Variants in EXOC4 observed in about 807,000 individuals in gnomAD.
The protein encoded by EXOC4 is SEC8-like 1.
Under a neutral mutation model 107.2 loss-of-function variants are expected in EXOC4, and 71 were observed. That is an observed-to-expected ratio of 0.66 (90% confidence interval 0.55 to 0.81). The LOEUF (loss-of-function observed/expected upper bound fraction) is 0.81. Among genes scored for constraint, EXOC4 ranks in the 30% least tolerant of loss-of-function variants. EXOC4 has a pLI of 0.00. For synonymous variants in EXOC4, 456 were observed against 441.2 expected (o/e 1.03, Z -0.42); for missense variants, 1,108 against 1,189.6 (o/e 0.93, Z 1.01).
chr7:134,056,023 AG>A (rs1795913062), intron 17 of EXOC4, among the ~76,000 whole-genome samples: 1 of 152,226 alleles, frequency 6.6e-6, no homozygotes, highest in Non-Finnish European at 1.5e-5. Flanking sequence ...AAAAAGCCGT[AG>A]GGCCTCTCAG....
chr7:133,453,936 A>G (rs1798406451), intron 7 of EXOC4, among the ~76,000 whole-genome samples: 1 of 152,180 alleles, frequency 6.6e-6, no homozygotes, highest in South Asian at 2.1e-4. Context: ...TATACATAAT[A>G]CAAGAGATAA....
chr7:133,326,736 G>A (rs1269588394), intron 5 of EXOC4, among the ~76,000 whole-genome samples: 1 of 152,334 alleles, frequency 6.6e-6, no homozygotes. Context: ...CTTCAAAGCT[G>A]TCAGACAGGG....
chr7:134,056,880 G>A (rs917392751), intron 17 of EXOC4, among the ~76,000 whole-genome samples: 16 of 152,154 alleles, frequency 1.1e-4, no homozygotes, highest in African/African-American at 3.6e-4. Flanking sequence ...CAACGGTGAT[G>A]GGAATGTCCT....
chr7:133,314,009 ATAAC>A (rs1365305584), intron 4 of EXOC4, among the ~76,000 whole-genome samples: 2 of 152,178 alleles, frequency 1.3e-5, no homozygotes, highest in Non-Finnish European at 2.9e-5. Flanking sequence ...AAAATGAAAA[ATAAC>A]TGTCAGTATT....
intron 14 of EXOC4, among the ~76,000 whole-genome samples, chr7:133,979,168 A>G (rs1387283536): frequency 6.6e-6 from 1 of 152,216 alleles, no homozygotes; most frequent in Non-Finnish European, 1.5e-5. Context: ...AAAATAATTT[A>G]TAATCCAATT....
intron 9 of EXOC4, among the ~76,000 whole-genome samples, chr7:133,540,271 A>G (rs1800353598): frequency 6.6e-6 from 1 of 152,226 alleles, no homozygotes; most frequent in Non-Finnish European, 1.5e-5. Flanking sequence ...CATACCATCT[A>G]AATGTTGCCA....
At chr7:133,638,825 C>G (rs1297286994) in intron 10 of EXOC4, among the ~76,000 whole-genome samples, 1 of 152,060 alleles carries the variant, frequency 6.6e-6, no homozygotes, top group Non-Finnish European at 1.5e-5. Flanking sequence ...TGATTTTGAC[C>G]TAGATTTAAG....
At chr7:133,664,986 T>C (rs1290040161) in intron 10 of EXOC4, among the ~76,000 whole-genome samples, 2 of 152,184 alleles carry the variant, frequency 1.3e-5, no homozygotes, top group Non-Finnish European at 2.9e-5. Context: ...ACAGGCACCA[T>C]TTTACAGTGG....
At chr7:133,446,192 T>C (rs986576494) in intron 7 of EXOC4, among the ~76,000 whole-genome samples, 9 of 152,174 alleles carry the variant, frequency 5.9e-5, no homozygotes, top group African/African-American at 2.2e-4. Context: ...ATCAGTATTC[T>C]CTGTGCTTGT....
intron 9 of EXOC4, among the ~76,000 whole-genome samples, chr7:133,498,572 G>A (rs1799522014): frequency 6.6e-6 from 1 of 152,112 alleles, no homozygotes; most frequent in African/African-American, 2.4e-5. Context: ...GCGACAGAGC[G>A]AGACTCCGTC....
At chr7:133,931,970 C>G (rs1246446937) in intron 13 of EXOC4, among the ~76,000 whole-genome samples, 1 of 152,188 alleles carries the variant, frequency 6.6e-6, no homozygotes, top group Non-Finnish European at 1.5e-5. Context: ...TTTCTGTGCT[C>G]AGCCTTAAGA....
chr7:134,021,355 C>T (rs909807936), intron 17 of EXOC4, among the ~76,000 whole-genome samples: 3 of 152,154 alleles, frequency 2.0e-5, no homozygotes, highest in African/African-American at 4.8e-5. Context: ...GCTCACCACA[C>T]GTACAGGAGA....
intron 14 of EXOC4, among the ~76,000 whole-genome samples, chr7:133,957,128 A>C (rs904638124): frequency 2.0e-5 from 3 of 152,214 alleles, no homozygotes; most frequent in African/African-American, 7.2e-5. Context: ...TTTTCAATGC[A>C]AGTGTTCCCT....
At position 133,884,581 on chromosome 7, in the gene EXOC4, CTGTGTGTGTGTGTG is replaced by C. The variant is rs34350149; in HGVS notation, c.1735-10991_1735-10978del. On this transcript the variant is annotated intron_variant, in intron 11 of 17. Transcript: ENST00000253861. ...CTCTCAGGTGTGCTTGCCCTATGCT[CTGTGTGTGTGTGTG>C]TGTGTGTGTGTGTGTGTGTGTGTGT... 1.5e-3 allele frequency among the ~76,000 whole-genome samples: 217 copies of C among 143,730 alleles called. 1 individual carries two copies. Among genetic ancestry groups the C allele is most frequent in the African/African-American group, 4.8e-3 (185 of 38,392 alleles). The allele number at this position is 143,730 out of a possible 152,430, so 94.3% of individuals were successfully genotyped here.
intron 7 of EXOC4, among the ~76,000 whole-genome samples, chr7:133,439,862 C>G (rs977478437): frequency 6.6e-6 from 1 of 152,100 alleles, no homozygotes; most frequent in Non-Finnish European, 1.5e-5. Context: ...TGTAGAGATT[C>G]CTAACAATGA....
At chr7:133,369,235 A>G (rs1343314174) in intron 6 of EXOC4, among the ~76,000 whole-genome samples, 7 of 152,206 alleles carry the variant, frequency 4.6e-5, no homozygotes, top group Non-Finnish European at 1.0e-4. Flanking sequence ...GTTTATGTGA[A>G]TGATTCCTAA....
chr7:133,921,789 CTCTT>C (rs1194338100), intron 13 of EXOC4, among the ~76,000 whole-genome samples: 2 of 151,988 alleles, frequency 1.3e-5, no homozygotes, highest in East Asian at 1.9e-4. Flanking sequence ...GTTGCTTTTT[CTCTT>C]TCTTCTCCTT....
chr7:133,971,359 TATAGAG>T lies in EXOC4; in HGVS notation c.2207-26131_2207-26126del, dbSNP rs1490126866. 8.9e-3 allele frequency among the ~76,000 whole-genome samples: 856 copies of T among 96,574 alleles called. 2 individuals carry two copies. Among genetic ancestry groups the T allele is most frequent in the African/African-American group, 0.018 (391 of 21,256 alleles). 63.4% of individuals were successfully genotyped at this position (96,574 alleles called of 152,430 possible). A position where few individuals can be genotyped will look rare whatever the true frequency, so the allele number is the denominator to read the frequency against. On this transcript the variant is annotated intron_variant, in intron 14 of 17. Transcript: ENST00000253861. The stretch of plus-strand genomic sequence containing the variant: ...GTATATATATATATATATATATATA[TATAGAG>T]AGAGAGAGAGAGAGAGAGAGAGAGA...
intron 9 of EXOC4, among the ~76,000 whole-genome samples, chr7:133,568,625 C>A (rs1194140655): frequency 3.3e-5 from 5 of 151,996 alleles, no homozygotes; most frequent in Non-Finnish European, 4.4e-5. Context: ...CATTTATGTA[C>A]CAGGAAATTA....
Sources: allele counts gnomAD v4.1 joint callset (sites outside exome capture counted in the v4.1 genomes callset), GRCh38; gene constraint gnomAD v4.1.1; transcripts MANE v1.5; gene names NCBI Gene and HGNC (gene_info 2026-07-23, HGNC 2026-07-21).